ANXA8: variants seen among roughly 807,000 people sequenced by gnomAD.
ANXA8 encodes the protein annexin A8, also known as VAC-beta.
In ANXA8, 9 loss-of-function variants were observed where a neutral mutation model predicts 26.8. That is an observed-to-expected ratio of 0.34 (90% CI 0.20 to 0.59). The LOEUF (loss-of-function observed/expected upper bound fraction) is 0.59, where lower values mean the gene tolerates loss of function less well. ANXA8 is among the 20% of genes least tolerant of loss of function. The pLI, the probability that ANXA8 is intolerant of heterozygous loss-of-function variation, is 0.84. For missense variants in ANXA8, 83 were observed against 238.5 expected (o/e 0.35, Z 4.29); for synonymous variants, 39 against 94.8 (o/e 0.41, Z 3.42).
At chr10:47,733,207 T>C in the ANXA8 span, among the ~76,000 whole-genome samples, 118 of 89,806 alleles carry the variant, frequency 1.3e-3, no homozygotes, top group Middle Eastern at 4.9e-3. Context: ...CTTTCTTTCT[T>C]TCTTTCTTTC....
At chr10:47,565,603 G>T in the ANXA8 span, 2 of 301,778 alleles carry the variant, frequency 6.6e-6, no homozygotes, top group African/African-American at 4.5e-5. Flanking sequence ...CCCACGGCCC[G>T]GCGCGCTACC....
At chr10:47,684,150 G>C in the ANXA8 span, among the ~76,000 whole-genome samples, 4 of 151,966 alleles carry the variant, frequency 2.6e-5, no homozygotes, top group African/African-American at 9.7e-5. Flanking sequence ...GTTTCATCTG[G>C]TATCTTAATG....
chr10:47,986,807 AG>A, the ANXA8 span: 11 of 420,524 alleles, frequency 2.6e-5, no homozygotes, highest in Non-Finnish European at 4.8e-5. Context: ...GGCGGCTACG[AG>A]GGGGCGCTGC....
At chr10:47,761,102 GCACACACACACACA>G in the ANXA8 span, among the ~76,000 whole-genome samples, 1 of 145,494 alleles carries the variant, frequency 6.9e-6, no homozygotes, top group Non-Finnish European at 1.5e-5. Context: ...ACACACACAC[GCACACACACACACA>G]CACACACACA....
the ANXA8 span, among the ~76,000 whole-genome samples, chr10:47,681,523 C>A: frequency 6.8e-3 from 549 of 80,706 alleles, no homozygotes; most frequent in Middle Eastern, 0.02. Context: ...TTTATTTTTA[C>A]TTTTTTTTTT....
chr10:47,950,940 T>C, the ANXA8 span, among the ~76,000 whole-genome samples: 1 of 150,624 alleles, frequency 6.6e-6, no homozygotes, highest in Non-Finnish European at 1.5e-5. Flanking sequence ...AAACCTAATG[T>C]AAGTAGAAGA....
At chr10:47,595,492 A>G in the ANXA8 span, among the ~76,000 whole-genome samples, 1 of 149,012 alleles carries the variant, frequency 6.7e-6, no homozygotes, top group Non-Finnish European at 1.5e-5. Flanking sequence ...AATCAGAATC[A>G]CCCATCTGCT....
the ANXA8 span, among the ~76,000 whole-genome samples, chr10:47,684,877 C>T: frequency 3.3e-5 from 5 of 149,918 alleles, no homozygotes; most frequent in Middle Eastern, 3.4e-3. Flanking sequence ...TGAGCCACCG[C>T]GCCCAGCCTG....
the ANXA8 span, among the ~76,000 whole-genome samples, chr10:47,960,629 A>T: frequency 6.7e-5 from 10 of 149,606 alleles, no homozygotes; most frequent in South Asian, 1.7e-3. Flanking sequence ...AAAAATATAC[A>T]AATTATAATT....
the ANXA8 span, among the ~76,000 whole-genome samples, chr10:47,548,664 A>T: frequency 6.8e-6 from 1 of 147,900 alleles, no homozygotes; most frequent in Non-Finnish European, 1.5e-5. Context: ...GATAGTGAAC[A>T]TTATCATTTC....
chr10:47,700,044 G>C, the ANXA8 span, among the ~76,000 whole-genome samples: 2 of 151,920 alleles, frequency 1.3e-5, no homozygotes, highest in African/African-American at 2.4e-5. Flanking sequence ...CCTGTTCTTG[G>C]ATAGGATGAC....
At chr10:47,939,287 G>A in the ANXA8 span, among the ~76,000 whole-genome samples, 1 of 108,756 alleles carries the variant, frequency 9.2e-6, no homozygotes, top group Non-Finnish European at 1.7e-5. Flanking sequence ...TGGGCACTAA[G>A]AGCAAAACTC....
the ANXA8 span, among the ~76,000 whole-genome samples, chr10:47,975,576 CA>C: frequency 6.6e-6 from 1 of 150,502 alleles, no homozygotes; most frequent in Non-Finnish European, 1.5e-5. Flanking sequence ...CCGCTTCTGA[CA>C]GAGCATTTAG....
chr10:47,954,191 G>T, the ANXA8 span, among the ~76,000 whole-genome samples: 1 of 150,504 alleles, frequency 6.6e-6, no homozygotes, highest in African/African-American at 2.5e-5. Flanking sequence ...ACATATATAC[G>T]ATGGAGTACG....
chr10:47,535,670 G>A, the ANXA8 span, among the ~76,000 whole-genome samples: 1 of 122,954 alleles, frequency 8.1e-6, no homozygotes, highest in East Asian at 2.5e-4. Flanking sequence ...CAATGGAAGT[G>A]GCATTGTTTT....
At chr10:47,595,239 A>G in the ANXA8 span, among the ~76,000 whole-genome samples, 1 of 148,522 alleles carries the variant, frequency 6.7e-6, no homozygotes, top group Non-Finnish European at 1.5e-5. Context: ...TCACCACTAG[A>G]CTAGCCCTGC....
At chr10:47,779,047 A>G in the ANXA8 span, among the ~76,000 whole-genome samples, 1 of 151,388 alleles carries the variant, frequency 6.6e-6, no homozygotes, top group East Asian at 1.9e-4. Context: ...TTCAAGATAT[A>G]AGAATCAAGC....
the ANXA8 span, among the ~76,000 whole-genome samples, chr10:47,968,558 T>C: frequency 1.5e-5 from 2 of 130,192 alleles, no homozygotes; most frequent in African/African-American, 2.7e-5. Context: ...ATACCAAAGT[T>C]GTCATTCCCA....
chr10:47,940,312 A>T, the ANXA8 span, among the ~76,000 whole-genome samples: 4 of 144,536 alleles, frequency 2.8e-5, no homozygotes, highest in African/African-American at 1.1e-4. Flanking sequence ...GAGGACAGTA[A>T]ATTGGTTTCC....
Sources: allele counts gnomAD v4.1 joint callset (sites outside exome capture counted in the v4.1 genomes callset), GRCh38; gene constraint gnomAD v4.1.1; transcripts MANE v1.5; gene names NCBI Gene and HGNC (gene_info 2026-07-23, HGNC 2026-07-21).